PDE4DIP: variants seen among roughly 807,000 people sequenced by gnomAD.
The protein encoded by PDE4DIP is myomegalin.
In PDE4DIP, 59 loss-of-function variants were observed where a neutral mutation model predicts 221.4. That is an observed-to-expected ratio of 0.27 (90% CI 0.22 to 0.33). PDE4DIP has a LOEUF of 0.33. Ranked by LOEUF, PDE4DIP falls within the 10% of genes least tolerant of loss-of-function variation. The pLI is 1.00. For missense variants in PDE4DIP, 1,036 were observed against 2,154.2 expected (o/e 0.48, Z 10.28); for synonymous variants, 404 against 815.9 (o/e 0.50, Z 8.60).
chr1:148,893,045 TTA>T (rs1196923717), intron 1 of PDE4DIP, among the ~76,000 whole-genome samples: 1 of 109,944 alleles, frequency 9.1e-6, no homozygotes, highest in Non-Finnish European at 1.8e-5. Flanking sequence ...GGCTAATTAT[TTA>T]TATATATATG....
intron 14 of PDE4DIP, among the ~76,000 whole-genome samples, chr1:148,969,760 G>A (rs2058847489): frequency 6.8e-6 from 1 of 148,054 alleles, no homozygotes; most frequent in South Asian, 2.1e-4. Flanking sequence ...CAGCTGGAGT[G>A]CGATGGCGCA....
At chr1:148,916,954 C>G (rs1553458804) in intron 1 of PDE4DIP, among the ~76,000 whole-genome samples, 2 of 150,266 alleles carry the variant, frequency 1.3e-5, no homozygotes, top group East Asian at 3.9e-4. Flanking sequence ...TGTCTCCACA[C>G]AAGGTGTCCT....
chr1:149,019,486 A>G (rs1489984953), intron 35 of PDE4DIP: 2 of 152,162 alleles, frequency 1.3e-5, no homozygotes, highest in Admixed American at 6.5e-5. Flanking sequence ...TGATTTCTGT[A>G]TTAGCGAGAA....
At chr1:148,865,474 TTTA>T (rs1553406391) in intron 2 of PDE4DIP, among the ~76,000 whole-genome samples, 1 of 115,816 alleles carries the variant, frequency 8.6e-6, no homozygotes, top group East Asian at 2.1e-4. Context: ...TCATAATTAT[TTTA>T]TTATTATTAT....
chr1:148,821,201 C>G (rs1259207996), intron 1 of PDE4DIP, among the ~76,000 whole-genome samples: 1 of 147,854 alleles, frequency 6.8e-6, no homozygotes, highest in African/African-American at 2.6e-5. Flanking sequence ...TTCTTGCTAC[C>G]TAGATCCTAA....
chr1:148,992,153 A>G (rs2063241068), intron 22 of PDE4DIP, 180 bp downstream of exon 25: 1 of 754,978 alleles, frequency 1.3e-6, no homozygotes. Flanking sequence ...CCATATCTTC[A>G]CTCCATTTTT....
chr1:148,922,968 C>T (rs1274251841), intron 1 of PDE4DIP, among the ~76,000 whole-genome samples: 5 of 139,976 alleles, frequency 3.6e-5, no homozygotes, highest in South Asian at 2.5e-4. Context: ...GATGGAGTTT[C>T]GCTCTGTCAC....
chr1:148,967,273 C>G (rs587768961), intron 12 of PDE4DIP, among the ~76,000 whole-genome samples: 11 of 152,262 alleles, frequency 7.2e-5, no homozygotes, highest in South Asian at 4.1e-4. Flanking sequence ...TACATACACA[C>G]ACGCTCTTCT....
chr1:149,009,092 GT>G (rs1205221246), intron 29 of PDE4DIP, among the ~76,000 whole-genome samples: 3 of 145,014 alleles, frequency 2.1e-5, no homozygotes, highest in Non-Finnish European at 4.6e-5. Flanking sequence ...GGACACAGTG[GT>G]TTTTTTTGTT....
At chr1:148,975,251 T>C (rs2059938426) in intron 17 of PDE4DIP, among the ~76,000 whole-genome samples, 1 of 147,942 alleles carries the variant, frequency 6.8e-6, no homozygotes, top group Non-Finnish European at 1.5e-5. Flanking sequence ...CTTAGAGTTA[T>C]GACATTAGAT....
chr1:148,831,085 GT>G (rs1671956169), intron 1 of PDE4DIP, among the ~76,000 whole-genome samples: 1 of 114,304 alleles, frequency 8.7e-6, no homozygotes, highest in Non-Finnish European at 2.0e-5. Context: ...TCCAGCACCT[GT>G]TTTTTCCTGA....
At chr1:148,919,395 CT>C (rs1355416643) in intron 1 of PDE4DIP, among the ~76,000 whole-genome samples, 6 of 151,140 alleles carry the variant, frequency 4.0e-5, no homozygotes, top group African/African-American at 9.9e-5. Flanking sequence ...CCCACTAAGG[CT>C]TCATTTTTGC....
rs1327383672 is a variant in PDE4DIP, at chr1:148,892,093, C to T, written c.141+2199C>T. ...CACGATCTCAGCTCACTGCAACCTC[C>T]GCCTCCTGGGTTCAAGCGATTCTCT... On this transcript the variant is annotated intron_variant, in intron 1 of 43. Coordinates refer to ENST00000369354, the Ensembl canonical transcript of PDE4DIP. 2.0e-4 allele frequency among the ~76,000 whole-genome samples: 23 copies of T among 116,194 alleles called. 5 individuals carry two copies. Among genetic ancestry groups the T allele is most frequent in the African/African-American group, 8.2e-4 (22 of 26,714 alleles). 76.2% of individuals were successfully genotyped at this position (116,194 alleles called of 152,430 possible).
intron 1 of PDE4DIP, among the ~76,000 whole-genome samples, chr1:148,860,035 C>T (rs1466143790): frequency 1.4e-4 from 8 of 58,844 alleles, no homozygotes; most frequent in Non-Finnish European, 2.8e-4. Context: ...CTTTCTCTGG[C>T]AATAAGAGAG....
intron 1 of PDE4DIP, among the ~76,000 whole-genome samples, chr1:148,907,057 C>CA (rs2042006095): frequency 6.6e-6 from 1 of 151,254 alleles, no homozygotes; most frequent in Non-Finnish European, 1.5e-5. Flanking sequence ...CTCAAAAAAA[C>CA]CAAAAAAAAC....
chr1:148,934,867 G>C (rs2048855920), intron 4 of PDE4DIP, among the ~76,000 whole-genome samples: 1 of 152,046 alleles, frequency 6.6e-6, no homozygotes. Context: ...GCCTCCCAAA[G>C]TGCTGGGATT....
chr1:148,981,131 C>A, intron 20 of PDE4DIP, 139 bp from the exon 24 acceptor site: 1 of 748,050 alleles, frequency 1.3e-6, no homozygotes, highest in Non-Finnish European at 2.3e-6. Context: ...AGACTACATT[C>A]ATTTATTGTG....
chr1:149,021,469 T>C lies in PDE4DIP; in HGVS notation c.6085+316T>C, dbSNP rs868923790. 5.0e-3 allele frequency: 1,116 copies of C among 224,382 alleles called. 8 individuals carry two copies. Among genetic ancestry groups the C allele is most frequent in the African/African-American group, 0.023 (1,042 of 44,468 alleles). The allele number at this position is 224,382 out of a possible 1,614,324, so 13.9% of individuals were successfully genotyped here. Reference sequence around the variant, plus strand: ...ATGATATCATCATTTGAAAAGGCCTTTAATATTGTCGGTGATACATACTGA... The same window carrying C: ...ATGATATCATCATTTGAAAAGGCCTCTAATATTGTCGGTGATACATACTGA... On this transcript the variant is annotated intron_variant, in intron 37 of 43. Transcript: ENST00000369354.
chr1:148,952,167 C>G, intron 5 of PDE4DIP: 1 of 1,035,726 alleles, frequency 9.7e-7, no homozygotes, highest in Non-Finnish European at 1.2e-6. Context: ...GAGGTCTTAG[C>G]AGATGAAAGC....
Sources: allele counts gnomAD v4.1 joint callset (sites outside exome capture counted in the v4.1 genomes callset), GRCh38; gene constraint gnomAD v4.1.1; transcripts MANE v1.5; gene names NCBI Gene and HGNC (gene_info 2026-07-23, HGNC 2026-07-21).